The following BAZ2B variants were observed in gnomAD, a reference collection of about 807,000 sequenced individuals.
The protein encoded by BAZ2B is bromodomain adjacent to zinc finger domain protein 2B.
BAZ2B carries 91 observed loss-of-function variants against 246.0 expected under a neutral mutation model. The ratio of observed to expected loss-of-function variants is 0.37; its 90% CI spans 0.31 to 0.44. The LOEUF (loss-of-function observed/expected upper bound fraction) is 0.44, where lower values mean the gene tolerates loss of function less well. Ranked by LOEUF, BAZ2B falls within the 20% of genes least tolerant of loss-of-function variation. The pLI is 1.00. For synonymous variants in BAZ2B, 855 were observed against 860.0 expected (o/e 0.99, Z 0.10); for missense variants, 2,332 against 2,533.7 (o/e 0.92, Z 1.71).
chr2:159,642,763 C>T, the BAZ2B span, among the ~76,000 whole-genome samples: 9,588 of 152,254 alleles, frequency 0.063, 392 homozygotes, highest in Middle Eastern at 0.14. Flanking sequence ...ATGAACAGTG[C>T]TTCCCTTCTT....
At chr2:159,653,360 TACA>T in the BAZ2B span, among the ~76,000 whole-genome samples, 1 of 152,254 alleles carries the variant, frequency 6.6e-6, no homozygotes, top group Non-Finnish European at 1.5e-5. Context: ...AAATCATTTC[TACA>T]ACATTTATTC....
chr2:159,542,537 T>C (rs2086786496), intron 2 of BAZ2B, among the ~76,000 whole-genome samples: 2 of 152,142 alleles, frequency 1.3e-5, no homozygotes, highest in African/African-American at 4.8e-5. Context: ...TTCAGGAGGC[T>C]GAGGTGGGAG....
intron 1 of BAZ2B, among the ~76,000 whole-genome samples, chr2:159,601,734 A>G (rs1272472704): frequency 6.6e-6 from 1 of 152,196 alleles, no homozygotes; most frequent in Non-Finnish European, 1.5e-5. Context: ...AATAAAAAAA[A>G]AGATAGAAAT....
chr2:159,709,356 T>C, the BAZ2B span, among the ~76,000 whole-genome samples: 1 of 152,096 alleles, frequency 6.6e-6, no homozygotes, highest in African/African-American at 2.4e-5. Context: ...AAATATAAAG[T>C]TGGATAAAAG....
At chr2:159,557,573 C>G (rs1339762649) in intron 1 of BAZ2B, among the ~76,000 whole-genome samples, 1 of 152,120 alleles carries the variant, frequency 6.6e-6, no homozygotes, top group Non-Finnish European at 1.5e-5. Flanking sequence ...TCCATATCTT[C>G]ATAGGACTGG....
At chr2:159,685,851 T>A in the BAZ2B span, among the ~76,000 whole-genome samples, 3 of 152,184 alleles carry the variant, frequency 2.0e-5, no homozygotes, top group Non-Finnish European at 2.9e-5. Flanking sequence ...TAGAAACTCC[T>A]CCCTCCAGGA....
the BAZ2B span, among the ~76,000 whole-genome samples, chr2:159,633,324 A>G: frequency 5.9e-5 from 9 of 152,320 alleles, no homozygotes; most frequent in African/African-American, 2.2e-4. Flanking sequence ...TAACTACTCT[A>G]ATATAAATAT....
At position 159,439,021 on chromosome 2, in the gene BAZ2B, T is replaced by C; in HGVS notation, c.888A>G (p.Lys296=). ...AAAAAAATTATACCTGGTTGTTACT[T>C]TTATGTTGTGCTTCACTCTCTGAAT... is the stretch of plus-strand genomic sequence containing the variant. ...DSDSESEAQH[K]SNNQVLLHGI... is the part of the protein sequence containing the mutation. Residue 296 remains lysine, a synonymous_variant, in exon 7 of 37, where the codon AAA becomes AAG. Coordinates refer to ENST00000392783, the MANE Select transcript of BAZ2B (RefSeq NM_013450.4). The C allele has an allele frequency of 6.2e-7, 1 of 1,613,444 alleles. No individual in the cohort carries two copies. Among genetic ancestry groups the C allele is most frequent in the Non-Finnish European group, 8.5e-7 (1 of 1,179,896 alleles).
intron 3 of BAZ2B, among the ~76,000 whole-genome samples, chr2:159,466,538 T>C (rs950683887): frequency 2.0e-5 from 3 of 152,214 alleles, no homozygotes; most frequent in Admixed American, 6.5e-5. Flanking sequence ...AATAGTGCTA[T>C]GGAGGAAATT....
chr2:159,386,782 C>T (rs538574328), intron 21 of BAZ2B, among the ~76,000 whole-genome samples, 175 bp from the exon 22 acceptor site: 292 of 152,172 alleles, frequency 1.9e-3, no homozygotes, highest in Non-Finnish European at 3.3e-3. Flanking sequence ...CCCCATGGAA[C>T]TAAGCATAGT....
intron 34 of BAZ2B, among the ~76,000 whole-genome samples, chr2:159,328,553 T>C (rs919749493): frequency 1.3e-5 from 2 of 152,182 alleles, no homozygotes; most frequent in Non-Finnish European, 2.9e-5. Flanking sequence ...TTCTGGAACA[T>C]GGGGCCCACA....
the BAZ2B span, among the ~76,000 whole-genome samples, chr2:159,659,846 A>AT: frequency 6.6e-6 from 1 of 152,130 alleles, no homozygotes; most frequent in Non-Finnish European, 1.5e-5. Context: ...TTTTATACTT[A>AT]TTTTTTTGTG....
intron 2 of BAZ2B, among the ~76,000 whole-genome samples, chr2:159,528,406 G>GGTGCA (rs1359257903): frequency 6.6e-6 from 1 of 152,210 alleles, no homozygotes; most frequent in Non-Finnish European, 1.5e-5. Flanking sequence ...GAGAAGGCCA[G>GGTGCA]GTGCAGTGGC....
At chr2:159,492,022 C>T (rs1335027447) in intron 2 of BAZ2B, among the ~76,000 whole-genome samples, 1 of 152,130 alleles carries the variant, frequency 6.6e-6, no homozygotes, top group Non-Finnish European at 1.5e-5. Flanking sequence ...ATCTATTCTC[C>T]CATTCGTATT....
At position 159,373,081 on chromosome 2, in the gene BAZ2B, C is replaced by A. The variant is rs765426579; in HGVS notation, c.4177G>T (p.Gly1393Trp). Residue 1393 changes from glycine (G) to tryptophan (W), a missense_variant, in exon 27 of 37, where the codon GGG becomes TGG. Gly to Trp is a radical substitution (Grantham distance 184). Coordinates refer to ENST00000392783, the MANE Select transcript of BAZ2B (RefSeq NM_013450.4). ...TCCATGCCTTCTACAAAAATCCCCC[C>A]ACATTGGGGAAGAATCCAGTACCGG... ...RRRYWILPQC[G>W]GIFVEGMESG... 2.5e-6 allele frequency: 4 copies of A among 1,613,968 alleles called. No homozygotes were observed. The South Asian group carries it at 4.4e-5, about 18-fold the overall frequency.
the BAZ2B span, among the ~76,000 whole-genome samples, chr2:159,661,023 T>C: frequency 6.6e-6 from 1 of 152,224 alleles, no homozygotes; most frequent in Non-Finnish European, 1.5e-5. Context: ...AATACCATAA[T>C]CAACATAGTG....
the BAZ2B span, among the ~76,000 whole-genome samples, chr2:159,681,097 T>G: frequency 2.0e-5 from 3 of 152,136 alleles, no homozygotes; most frequent in African/African-American, 7.2e-5. Context: ...AAAATGAGCC[T>G]GCTAATCTAA....
At chr2:159,624,980 C>T in the BAZ2B span, among the ~76,000 whole-genome samples, 9 of 151,576 alleles carry the variant, frequency 5.9e-5, no homozygotes, top group Admixed American at 1.3e-4. Flanking sequence ...GTTTAGAGAA[C>T]GTAAATGATC....
Position 159,439,151 on chromosome 2 carries a change from G to A in BAZ2B, c.758C>T (p.Ser253Leu), listed in dbSNP as rs1255218098. 6.2e-7 allele frequency: 1 copy of A among 1,613,876 alleles called. No individual in the cohort carries two copies. The highest frequency in any genetic ancestry group is 2.2e-5 in the East Asian group (1 of 44,842). ...ACTAATGCCTTCACTTGAGGTGTCT[G>A]ATGATGTGCCTGAATCACTATCACT... is the stretch of plus-strand genomic sequence containing the variant. ...SNSDSDSGTSSDTSSEGISSS... is the reference protein window; with the variant it reads ...SNSDSDSGTSLDTSSEGISSS... Residue 253 changes from serine (S) to leucine (L), a missense_variant, in exon 7 of 37, where the codon TCA becomes TTA. Transcript: ENST00000392783.
Sources: gnomAD v4.1 joint callset for allele counts (sites outside exome capture counted in the v4.1 genomes callset) on GRCh38, gnomAD v4.1.1 for gene constraint, MANE v1.5 for transcripts, NCBI Gene and HGNC (gene_info 2026-07-23, HGNC 2026-07-21) for gene names.